Variants in SLIT1 observed in about 807,000 individuals in gnomAD.
SLIT1 encodes slit guidance ligand 1.
In SLIT1, 66 loss-of-function variants were observed where a neutral mutation model predicts 186.1. The ratio of observed to expected loss-of-function variants is 0.35; its 90% CI spans 0.29 to 0.44. The LOEUF is 0.44. Ranked by LOEUF, SLIT1 falls within the 20% of genes least tolerant of loss-of-function variation. SLIT1 has a pLI of 1.00. For missense variants in SLIT1, 1,638 were observed against 2,037.4 expected, an observed-to-expected ratio of 0.80 and a Z score of 3.77; for synonymous variants, 761 against 833.8, an observed-to-expected ratio of 0.91 and a Z score of 1.50.
chr10:97,059,880 T>C lies in SLIT1; in HGVS notation c.1013+207A>G, dbSNP rs535326093. Among the ~76,000 whole-genome samples the C allele has an allele frequency of 2.0e-5, 3 of 152,234 alleles. No individual in the cohort carries two copies. The East Asian group carries it at 5.8e-4, about 30-fold the overall frequency. On this transcript the variant is annotated intron_variant, in intron 10 of 36. Transcript: ENST00000266058. ...CTCCCATCACAGGCCAGGCTCAGGCTCAGCACTCCCTTCAGGCCTCACGAT... is the reference window on the plus strand; with the variant it reads ...CTCCCATCACAGGCCAGGCTCAGGCCCAGCACTCCCTTCAGGCCTCACGAT...
At chr10:97,148,084 C>T (rs1393767404) in intron 4 of SLIT1, among the ~76,000 whole-genome samples, 1 of 152,220 alleles carries the variant, frequency 6.6e-6, no homozygotes, top group Admixed American at 6.5e-5. Context: ...GTACTCCAAG[C>T]CTGGATCTGC....
intron 4 of SLIT1, among the ~76,000 whole-genome samples, chr10:97,072,263 A>T (rs1291520121): frequency 6.6e-6 from 1 of 152,160 alleles, no homozygotes; most frequent in Non-Finnish European, 1.5e-5. Context: ...GGCTCAGGTG[A>T]TTTTCCTCTC....
At chr10:97,079,008 T>C (rs572200238) in intron 4 of SLIT1, among the ~76,000 whole-genome samples, 1 of 152,136 alleles carries the variant, frequency 6.6e-6, no homozygotes, top group African/African-American at 2.4e-5. Flanking sequence ...GACAAAGAAT[T>C]GATGTATAGA....
intron 4 of SLIT1, among the ~76,000 whole-genome samples, chr10:97,085,521 G>T (rs1849150216): frequency 6.6e-6 from 1 of 152,016 alleles, no homozygotes; most frequent in South Asian, 2.1e-4. Flanking sequence ...CTGAGTAGCT[G>T]GGATTACAGG....
rs201406148 is a variant in SLIT1 at position 97,127,412 on chromosome 10, G to A, written c.413+30406C>T. Among the ~76,000 whole-genome samples, 587 of 152,274 alleles carry A rather than the reference G, an allele frequency of 3.9e-3. 2 individuals are homozygous for A. The highest frequency in any genetic ancestry group is 0.011 in the African/African-American group (453 of 41,560). On this transcript the variant is annotated intron_variant, in intron 4 of 36. Coordinates refer to ENST00000266058, the MANE Select transcript of SLIT1 (RefSeq NM_003061.3). ...AAAAGGGCTCTTCCAGCCCTATGCT[G>A]TCCGTTAAGTTAGGACAATGTCTAT...
At chr10:97,080,650 C>T (rs1321994148) in intron 4 of SLIT1, among the ~76,000 whole-genome samples, 3 of 152,168 alleles carry the variant, frequency 2.0e-5, no homozygotes, top group Admixed American at 6.5e-5. Flanking sequence ...TTCAAACACC[C>T]GGAGCTGGGG....
Position 97,006,663 on chromosome 10 carries a change from C to A in SLIT1, c.3399G>T (p.Gly1133=), listed in dbSNP as rs1485271243. Reference sequence around the variant, plus strand: ...AGTTGGCCCCATTCTGGCACTCAGTCCCCTCACAGGGGCTCTTGGGGGCAG... The same window carrying A: ...AGTTGGCCCCATTCTGGCACTCAGTACCCTCACAGGGGCTCTTGGGGGCAG... ...HLPAPKSPCE[G]TECQNGANCV... is the part of the protein sequence containing the mutation. The change falls in exon 32 of 37, where the codon GGG becomes GGT. Residue 1133 remains glycine, a synonymous_variant. Coordinates refer to ENST00000266058, the MANE Select transcript of SLIT1 (RefSeq NM_003061.3). This position sits in a 1 kb window ranked among gnomAD's most constrained non-coding sequence, Gnocchi z 4.0. 1 of 1,614,168 alleles carries A rather than the reference C, an allele frequency of 6.2e-7. No homozygotes were observed. The highest frequency in any genetic ancestry group is 2.2e-5 in the East Asian group (1 of 44,878).
At chr10:97,109,233 G>A (rs938835415) in intron 4 of SLIT1, among the ~76,000 whole-genome samples, 1 of 151,276 alleles carries the variant, frequency 6.6e-6, no homozygotes, top group African/African-American at 2.4e-5. Context: ...GAGTTACAGT[G>A]AGAAATAGAT....
chr10:97,171,751 G>A lies in SLIT1; in HGVS notation c.198-6861C>T, dbSNP rs112612539. Among the ~76,000 whole-genome samples the A allele has an allele frequency of 3.9e-3, 599 of 152,048 alleles. 3 individuals carry two copies. The highest frequency in any genetic ancestry group is 0.014 in the African/African-American group (570 of 41,474). The stretch of plus-strand genomic sequence containing the variant: ...GGAAAATCGCTTGAACCCAGGAGCC[G>A]GAGGTTGCAGTGAGGTGAGATCGTG... On this transcript the variant is annotated intron_variant, in intron 1 of 36. Coordinates refer to ENST00000266058, the MANE Select transcript of SLIT1 (RefSeq NM_003061.3).
At chr10:97,131,433 A>G (rs1849653375) in intron 4 of SLIT1, among the ~76,000 whole-genome samples, 1 of 152,192 alleles carries the variant, frequency 6.6e-6, no homozygotes, top group Non-Finnish European at 1.5e-5. Flanking sequence ...GTGGGGAGTG[A>G]CCAGGAGTAC....
chr10:97,006,434 GTCGCC>G lies in SLIT1; in HGVS notation c.3579+44_3579+48del. 7.4e-7 allele frequency: 1 copy of G among 1,348,542 alleles called. No homozygotes were observed. The allele number at this position is 1,348,542 out of a possible 1,614,324, so 83.5% of individuals were successfully genotyped here. A position where few individuals can be genotyped will look rare whatever the true frequency, so the allele number is the denominator to read the frequency against. On this transcript the variant is annotated intron_variant, in intron 32 of 36. Transcript: ENST00000266058. The surrounding 1 kb of genome is among the most constrained non-coding windows in gnomAD (Gnocchi z 4.0). ...TCCTGATGCTCTGGCCTAAGCCAGG[GTCGCC>G]TGCTCCCTGACTCCCCTCTGTGACC...
intron 12 of SLIT1, 87 bp from the exon 13 acceptor site, chr10:97,056,551 C>A: frequency 7.1e-7 from 1 of 1,408,102 alleles, no homozygotes; most frequent in Admixed American, 1.8e-5. Flanking sequence ...TCAGTCCCGG[C>A]CTGCGTTATT....
At chr10:97,092,500 A>G (rs897009819) in intron 4 of SLIT1, among the ~76,000 whole-genome samples, 1 of 152,220 alleles carries the variant, frequency 6.6e-6, no homozygotes, top group Non-Finnish European at 1.5e-5. Flanking sequence ...CATGTGTGAG[A>G]GGCTAAGGCC....
Position 97,006,116 on chromosome 10 carries a change from C to A in SLIT1, c.3579+367G>T, listed in dbSNP as rs142775664. Reference sequence around the variant, plus strand: ...AGGGACATTTGGTTAAAGGTATAAGCCCAAAGTTAAATCTGGCCACATTCC... The same window carrying A: ...AGGGACATTTGGTTAAAGGTATAAGACCAAAGTTAAATCTGGCCACATTCC... On this transcript the variant is annotated intron_variant, in intron 32 of 36. Coordinates refer to ENST00000266058, the MANE Select transcript of SLIT1 (RefSeq NM_003061.3). This position sits in a 1 kb window ranked among gnomAD's most constrained non-coding sequence, Gnocchi z 4.0. Among the ~76,000 whole-genome samples the A allele has an allele frequency of 6.6e-6, 1 of 152,224 alleles. No individual in the cohort carries two copies. The highest frequency in any genetic ancestry group is 1.5e-5 in the Non-Finnish European group (1 of 68,020).
intron 25 of SLIT1, among the ~76,000 whole-genome samples, chr10:97,030,493 TGAGGCAGGCG>T (rs1848581306): frequency 6.6e-6 from 1 of 152,188 alleles, no homozygotes; most frequent in African/African-American, 2.4e-5. Flanking sequence ...GCACATTAGC[TGAGGCAGGCG>T]AAGTGCACAG....
chr10:97,118,117 C>G (rs1287259375), intron 4 of SLIT1, among the ~76,000 whole-genome samples: 2 of 152,180 alleles, frequency 1.3e-5, no homozygotes, highest in African/African-American at 4.8e-5. Flanking sequence ...CTGGCCCCAT[C>G]ACAGTACGCT....
chr10:97,032,891 G>A (rs1039336709), intron 23 of SLIT1, among the ~76,000 whole-genome samples: 6 of 152,146 alleles, frequency 3.9e-5, no homozygotes, highest in Non-Finnish European at 8.8e-5. Context: ...GCTGGGCGCA[G>A]AAGCCAAGCA....
Position 97,164,904 on chromosome 10 carries a change from G to A in SLIT1, c.198-14C>T, listed in dbSNP as rs933645115. 1.9e-6 allele frequency: 3 copies of A among 1,609,258 alleles called. No individual in the cohort carries two copies. The Admixed American group carries it at 5.0e-5, about 27-fold the overall frequency. On this transcript the variant is annotated splice_polypyrimidine_tract_variant and intron_variant, in intron 1 of 36. Transcript: ENST00000266058. Reference sequence around the variant, plus strand: ...CCATTGAGTTCCCTGGAGGAAGAAGGAGAGAAGGAAGCAGTGGGGTGAGCA... The same window carrying A: ...CCATTGAGTTCCCTGGAGGAAGAAGAAGAGAAGGAAGCAGTGGGGTGAGCA...
At chr10:97,064,976 A>C (rs1212764246) in intron 5 of SLIT1, 100 bp from the exon 6 acceptor site, 2 of 823,122 alleles carry the variant, frequency 2.4e-6, no homozygotes, top group Non-Finnish European at 1.9e-6. Flanking sequence ...AAAGAGGTGC[A>C]CCCCTAGCCG....
Sources: gnomAD v4.1 joint callset for allele counts (sites outside exome capture counted in the v4.1 genomes callset) on GRCh38, gnomAD v4.1.1 for gene constraint, Gnocchi (gnomAD v3.1) non-coding constraint, MANE v1.5 for transcripts, NCBI Gene and HGNC (gene_info 2026-07-23, HGNC 2026-07-21) for gene names.